CHRNB2: variants seen among roughly 807,000 people sequenced by gnomAD.
CHRNB2 encodes the protein neuronal acetylcholine receptor subunit beta-2.
Under a neutral mutation model 42.7 loss-of-function variants are expected in CHRNB2, and 33 were observed. The observed-to-expected ratio is 0.77, with a 90% CI of 0.59 to 1.03. The LOEUF (loss-of-function observed/expected upper bound fraction) is 1.03, where lower values mean the gene tolerates loss of function less well. Ranked by LOEUF, CHRNB2 falls within the 50% of genes least tolerant of loss-of-function variation. The pLI is 0.00. For missense variants in CHRNB2, 603 were observed against 700.9 expected (o/e 0.86, Z 1.58); for synonymous variants, 325 against 292.9 (o/e 1.11, Z -1.12).
Position 154,571,893 on chromosome 1 carries a change from C to T in CHRNB2, c.1070C>T (p.Ala357Val), listed in dbSNP as rs1163175746. Residue 357 changes from alanine to valine, a missense_variant, in exon 5 of 6, where the codon GCC becomes GTC. Physicochemically the swap from Ala to Val is moderately conservative, Grantham distance 64. Around this residue, in one of 2 missense-constraint regions of CHRNB2, gnomAD observed 270 missense variants for 248.3 expected, o/e 1.09. Transcript: ENST00000368476. This position sits in a 1 kb window ranked among gnomAD's most constrained non-coding sequence, Gnocchi z 6.8. ...ATGCAGCAGCCACGCCATCATTGCG[C>T]CCGTCAGCGCCTGCGCCTGCGGCGA... ...LFMQQPRHHC[A>V]RQRLRLRRRQ... 2.5e-6 allele frequency: 4 copies of T among 1,587,912 alleles called. No homozygotes were observed. The highest frequency in any genetic ancestry group is 2.7e-5 in the African/African-American group (2 of 74,358).
Position 154,575,969 on chromosome 1 carries a change from C to A in CHRNB2, c.*37C>A. 2 of 1,612,294 alleles carry A rather than the reference C, an allele frequency of 1.2e-6. No individual in the cohort carries two copies. Among genetic ancestry groups the A allele is most frequent in the Non-Finnish European group, 1.7e-6 (2 of 1,179,006 alleles). ...ATCTCCATGCTCTTTCACCCTGCCA[C>A]CCTCTGCTGCACAGTAGTGTTGGGT... On this transcript the variant is annotated 3_prime_UTR_variant, in exon 6 of 6. Transcript: ENST00000368476.
chr1:154,568,542 G>A (rs992453854), intron 1 of CHRNB2, among the ~76,000 whole-genome samples: 3 of 152,080 alleles, frequency 2.0e-5, no homozygotes, highest in African/African-American at 7.2e-5. Flanking sequence ...CCCCACATTG[G>A]GCTCCAGATT....
chr1:154,573,721 C>A (rs1380970258), intron 5 of CHRNB2, among the ~76,000 whole-genome samples: 1 of 152,122 alleles, frequency 6.6e-6, no homozygotes, highest in African/African-American at 2.4e-5. Context: ...TCCCTCCTTG[C>A]CCAGGTCACT....
Position 154,575,757 on chromosome 1 carries a change from T to A in CHRNB2, c.1339-5T>A. 6.2e-7 allele frequency: 1 copy of A among 1,614,152 alleles called. No individual in the cohort carries two copies. The highest frequency in any genetic ancestry group is 8.5e-7 in the Non-Finnish European group (1 of 1,180,038). ...ACCTGGGCCTCCTCCGTCTCCTCCA[T>A]CCAGGTGAGTGAGGACTGGAAGTAC... On this transcript the variant is annotated splice_polypyrimidine_tract_variant and splice_region_variant and intron_variant, in intron 5 of 5. Transcript: ENST00000368476.
Position 154,569,498 on chromosome 1 carries a change from A to T in CHRNB2, c.101A>T (p.Glu34Val). The T allele has an allele frequency of 6.2e-7, 1 of 1,612,864 alleles. No individual in the cohort carries two copies. Among genetic ancestry groups the T allele is most frequent in the Non-Finnish European group, 8.5e-7 (1 of 1,179,756 alleles). ...ACGGATACAGAGGAGCGGCTGGTGG[A>T]GCATCTCCTGGATCCTTCCCGCTAC... ...WGTDTEERLV[E>V]HLLDPSRYNK... Residue 34 changes from glutamate (E) to valine (V), a missense_variant, in exon 2 of 6, where the codon GAG becomes GTG. Transcript: ENST00000368476.
rs1425961412 is a variant in CHRNB2, at chr1:154,571,474, C to A, written c.651C>A (p.Asp217Glu). 6.2e-7 allele frequency: 1 copy of A among 1,614,108 alleles called. No individual in the cohort carries two copies. Among genetic ancestry groups the A allele is most frequent in the Non-Finnish European group, 8.5e-7 (1 of 1,180,030 alleles). Residue 217 changes from aspartate to glutamate, a missense_variant, in exon 5 of 6, where the codon GAC (aspartate) becomes GAA (glutamate). Asp to Glu is a conservative substitution (Grantham distance 45). Around this residue, in one of 2 missense-constraint regions of CHRNB2, gnomAD observed 333 missense variants for 452.6 expected, o/e 0.74. Transcript: ENST00000368476. The surrounding 1 kb of genome is among the most constrained non-coding windows in gnomAD (Gnocchi z 6.8). Reference sequence around the variant, plus strand: ...CGGGCCGGCGCAACGAGAACCCCGACGACTCTACGTACGTGGACATCACGT... The same window carrying A: ...CGGGCCGGCGCAACGAGAACCCCGAAGACTCTACGTACGTGGACATCACGT... ...ALPGRRNENPDDSTYVDITYD... is the reference protein window; with the variant it reads ...ALPGRRNENPEDSTYVDITYD...
At position 154,569,843 on chromosome 1, in the gene CHRNB2, G is replaced by T. The variant is rs190374968; in HGVS notation, c.255+7G>T. ...CAATGTCTGGCTGACCCAGGTAAGCGTAAGTGCTCTCTTCCACCCACACCC... is the reference window on the plus strand; with the variant it reads ...CAATGTCTGGCTGACCCAGGTAAGCTTAAGTGCTCTCTTCCACCCACACCC... On this transcript the variant is annotated splice_region_variant and intron_variant, in intron 3 of 5. Coordinates refer to ENST00000368476, the MANE Select transcript of CHRNB2 (RefSeq NM_000748.3). The T allele has an allele frequency of 2.5e-6, 4 of 1,613,998 alleles. No homozygotes were observed. The South Asian group carries it at 3.3e-5, about 13-fold the overall frequency.
In CHRNB2 at chr1:154,577,691, C is replaced by T. The variant is rs1696308078; in HGVS notation, c.*1759C>T. ...CAGCCTCCCTCCCAGGCCCACTCTT[C>T]CCCCCTCTTCCCTGAGGAAACCAAG... is the stretch of plus-strand genomic sequence containing the variant. On this transcript the variant is annotated 3_prime_UTR_variant, in exon 6 of 6. Transcript: ENST00000368476. 6.6e-6 allele frequency: 1 copy of T among 152,204 alleles called. No homozygotes were observed. The highest frequency in any genetic ancestry group is 2.4e-5 in the African/African-American group (1 of 41,434). 9.4% of individuals were successfully genotyped at this position (152,204 alleles called of 1,614,324 possible).
In CHRNB2 at chr1:154,578,962, T is replaced by G. The variant is rs754972574; in HGVS notation, c.*3030T>G. ...AGGTGATCTGAGAACTATTTTTGTC[T>G]GAAAAGAAGGCATGCACAGGCTCTC... On this transcript the variant is annotated 3_prime_UTR_variant, in exon 6 of 6. Coordinates refer to ENST00000368476, the MANE Select transcript of CHRNB2 (RefSeq NM_000748.3). 1 of 152,252 alleles carries G rather than the reference T, an allele frequency of 6.6e-6. No individual in the cohort carries two copies. Among genetic ancestry groups the G allele is most frequent in the Non-Finnish European group, 1.5e-5 (1 of 68,056 alleles). The allele number at this position is 152,252 out of a possible 1,614,324, so 9.4% of individuals were successfully genotyped here.
intron 5 of CHRNB2, among the ~76,000 whole-genome samples, chr1:154,574,068 G>C (rs753707399): frequency 6.6e-6 from 1 of 152,138 alleles, no homozygotes; most frequent in Non-Finnish European, 1.5e-5. Flanking sequence ...CTTGTCTTAA[G>C]CAAGCCAAGC....
rs1202541446 is a variant in CHRNB2 at position 154,572,005 on chromosome 1, G to C, written c.1182G>C (p.Ala394=). The C allele has an allele frequency of 6.5e-7, 1 of 1,535,040 alleles. No individual in the cohort carries two copies. Among genetic ancestry groups the C allele is most frequent in the Non-Finnish European group, 8.7e-7 (1 of 1,145,454 alleles). The stretch of plus-strand genomic sequence containing the variant: ...CCTGCACGTGCTTCGTCAACCGCGC[G>C]TCGGTGCAGGGGTTGGCCGGGGCCT... ...ADSCTCFVNR[A]SVQGLAGAFG... is the part of the protein sequence containing the mutation. Residue 394 remains alanine (A), a synonymous_variant, in exon 5 of 6, where the codon GCG becomes GCC. Coordinates refer to ENST00000368476, the MANE Select transcript of CHRNB2 (RefSeq NM_000748.3).
chr1:154,569,383 C>T, intron 1 of CHRNB2, 79 bp from the exon 2 acceptor site: 1 of 1,570,610 alleles, frequency 6.4e-7, no homozygotes, highest in Non-Finnish European at 8.7e-7. Flanking sequence ...CCTGGATTGT[C>T]CCATTTGCCT....
At position 154,575,750 on chromosome 1, in the gene CHRNB2, T is replaced by G; in HGVS notation, c.1339-12T>G. ...TCATGTGACCTGGGCCTCCTCCGTC[T>G]CCTCCATCCAGGTGAGTGAGGACTG... is the stretch of plus-strand genomic sequence containing the variant. On this transcript the variant is annotated splice_polypyrimidine_tract_variant and intron_variant, in intron 5 of 5. Coordinates refer to ENST00000368476, the MANE Select transcript of CHRNB2 (RefSeq NM_000748.3). 6.2e-7 allele frequency: 1 copy of G among 1,614,108 alleles called. No individual in the cohort carries two copies. Among genetic ancestry groups the G allele is most frequent in the Non-Finnish European group, 8.5e-7 (1 of 1,180,000 alleles).
Position 154,569,618 on chromosome 1 carries a change from G to A in CHRNB2, c.210+11G>A. 2 of 1,614,088 alleles carry A rather than the reference G, an allele frequency of 1.2e-6. No individual in the cohort carries two copies. The highest frequency in any genetic ancestry group is 8.5e-7 in the Non-Finnish European group (1 of 1,180,022). Reference sequence around the variant, plus strand: ...CAGCTCATCAGTGTGGTGAGTAGAGGTCCCAGGCTCTCTGCCCAGCTACTG... The same window carrying A: ...CAGCTCATCAGTGTGGTGAGTAGAGATCCCAGGCTCTCTGCCCAGCTACTG... On this transcript the variant is annotated intron_variant, in intron 2 of 5. Transcript: ENST00000368476.
At position 154,575,744 on chromosome 1, in the gene CHRNB2, T is replaced by C; in HGVS notation, c.1339-18T>C. On this transcript the variant is annotated intron_variant, in intron 5 of 5. Transcript: ENST00000368476. ...CCTGCATCATGTGACCTGGGCCTCC[T>C]CCGTCTCCTCCATCCAGGTGAGTGA... is the stretch of plus-strand genomic sequence containing the variant. The C allele has an allele frequency of 6.2e-7, 1 of 1,614,046 alleles. No individual in the cohort carries two copies. Among genetic ancestry groups the C allele is most frequent in the Non-Finnish European group, 8.5e-7 (1 of 1,179,986 alleles).
At chr1:154,575,682 G>A (rs1696258271) in intron 5 of CHRNB2, 80 bp from the exon 6 acceptor site, 3 of 1,388,388 alleles carry the variant, frequency 2.2e-6, no homozygotes, top group Non-Finnish European at 3.1e-6. Context: ...GTGTGTGTCT[G>A]TGTGGTGGGA....
At position 154,575,879 on chromosome 1, in the gene CHRNB2, T is replaced by A. The variant is rs763453906; in HGVS notation, c.1456T>A (p.Tyr486Asn). Residue 486 changes from tyrosine (Y) to asparagine (N), a missense_variant, in exon 6 of 6, where the codon TAC becomes AAC. Tyr to Asn is a moderately radical substitution (Grantham distance 143). Transcript: ENST00000368476. Reference sequence around the variant, plus strand: ...GTTCCTGCAGCCTCTCTTCCAGAACTACACCACCACCACCTTCCTCCACTC... The same window carrying A: ...GTTCCTGCAGCCTCTCTTCCAGAACAACACCACCACCACCTTCCTCCACTC... Reference protein sequence around the residue: ...GMFLQPLFQNYTTTTFLHSDH... With the variant: ...GMFLQPLFQNNTTTTFLHSDH... 2 of 1,614,186 alleles carry A rather than the reference T, an allele frequency of 1.2e-6. No homozygotes were observed. The highest frequency in any genetic ancestry group is 1.1e-5 in the South Asian group (1 of 91,088).
Position 154,579,158 on chromosome 1 carries a change from C to T in CHRNB2, c.*3226C>T, listed in dbSNP as rs200372350. On this transcript the variant is annotated 3_prime_UTR_variant, in exon 6 of 6. Coordinates refer to ENST00000368476, the MANE Select transcript of CHRNB2 (RefSeq NM_000748.3). ...GGCTACGGCAGAGGAAGGGCAAGAC[C>T]GTTTCCCCCAATGGTCTTGAAACGG... 2 of 152,194 alleles carry T rather than the reference C, an allele frequency of 1.3e-5. No individual in the cohort carries two copies. The highest frequency in any genetic ancestry group is 4.8e-5 in the African/African-American group (2 of 41,420). The allele number at this position is 152,194 out of a possible 1,614,324, so 9.4% of individuals were successfully genotyped here.
intron 5 of CHRNB2, among the ~76,000 whole-genome samples, chr1:154,573,558 A>C (rs1300635039): frequency 6.6e-6 from 1 of 152,132 alleles, no homozygotes; most frequent in Non-Finnish European, 1.5e-5. Flanking sequence ...TCTCAGCTTC[A>C]TCTGTTTTTC....
Sources: allele counts gnomAD v4.1 joint callset (sites outside exome capture counted in the v4.1 genomes callset), GRCh38; gene constraint gnomAD v4.1.1; regional missense constraint gnomAD v4.1.1; non-coding constraint Gnocchi (gnomAD v3.1); transcripts MANE v1.5; gene names NCBI Gene and HGNC (gene_info 2026-07-23, HGNC 2026-07-21).